ADGRL3: variants seen among roughly 807,000 people sequenced by gnomAD.
The protein encoded by ADGRL3 is adhesion G protein-coupled receptor L3.
A neutral mutation model predicts 153.5 loss-of-function variants in ADGRL3; 62 were observed. That is an observed-to-expected ratio of 0.40 (90% CI 0.33 to 0.50). The LOEUF (loss-of-function observed/expected upper bound fraction) is 0.50. Among genes scored for constraint, ADGRL3 ranks in the 20% least tolerant of loss-of-function variants. The pLI, the probability that ADGRL3 is intolerant of heterozygous loss-of-function variation, is 0.47. For missense variants in ADGRL3, 1,641 were observed against 1,859.4 expected (o/e 0.88, Z 2.16); for synonymous variants, 710 against 672.5 (o/e 1.06, Z -0.86).
chr4:61,701,573 T>C (rs2095760696), intron 6 of ADGRL3, among the ~76,000 whole-genome samples: 1 of 151,434 alleles, frequency 6.6e-6, no homozygotes, highest in African/African-American at 2.4e-5. Context: ...TAGCTGGGAC[T>C]AGATGCATGC....
chr4:61,369,119 G>A (rs1444616961), intron 1 of ADGRL3, among the ~76,000 whole-genome samples: 1 of 152,142 alleles, frequency 6.6e-6, no homozygotes, highest in Non-Finnish European at 1.5e-5. Context: ...TCAGCTTAAG[G>A]AGATTTTGGG....
At position 61,996,303 on chromosome 4, in the gene ADGRL3, A is replaced by T; in HGVS notation, c.3249A>T (p.Arg1083=). 1 of 1,613,026 alleles carries T rather than the reference A, an allele frequency of 6.2e-7. No individual in the cohort carries two copies. Among genetic ancestry groups the T allele is most frequent in the Non-Finnish European group, 8.5e-7 (1 of 1,179,152 alleles). The stretch of plus-strand genomic sequence containing the variant: ...TGTTTCATTGCAGATGTTGGCTCCG[A>T]CTTGACACCTACTTCATTTGGAGTT... The part of the protein sequence containing the change: ...SYGTDKVCWL[R]LDTYFIWSFI... Residue 1083 remains arginine, a synonymous_variant, in exon 20 of 27, where the codon CGA becomes CGT. Coordinates refer to ENST00000683033, the MANE Select transcript of ADGRL3 (RefSeq NM_001387552.1).
intron 17 of ADGRL3, among the ~76,000 whole-genome samples, chr4:61,956,555 T>A (rs960317006): frequency 1.3e-5 from 2 of 152,224 alleles, no homozygotes; most frequent in Non-Finnish European, 2.9e-5. Flanking sequence ...ATCTCATTTG[T>A]CAACTGTGGC....
intron 9 of ADGRL3, among the ~76,000 whole-genome samples, chr4:61,870,827 C>T (rs1332386524): frequency 6.6e-6 from 1 of 152,120 alleles, no homozygotes; most frequent in Non-Finnish European, 1.5e-5. Flanking sequence ...AATTGGAACA[C>T]TTACACACAG....
intron 21 of ADGRL3, among the ~76,000 whole-genome samples, chr4:62,004,590 A>T (rs376767827): frequency 6.6e-6 from 1 of 152,144 alleles, no homozygotes; most frequent in East Asian, 1.9e-4. Context: ...CATCAAAGCT[A>T]TTCAATTAAA....
At chr4:61,812,112 AG>A (rs1390188456) in intron 8 of ADGRL3, among the ~76,000 whole-genome samples, 1 of 152,186 alleles carries the variant, frequency 6.6e-6, no homozygotes, top group African/African-American at 2.4e-5. Context: ...ATAGGACAAG[AG>A]GTGATTTTAT....
At position 61,455,241 on chromosome 4, in the gene ADGRL3, G is replaced by A. The variant is rs116010351; in HGVS notation, c.-173-41880G>A. Among the ~76,000 whole-genome samples the A allele has an allele frequency of 2.8e-3, 429 of 152,286 alleles. 1 individual carries two copies. The highest frequency in any genetic ancestry group is 9.9e-3 in the African/African-American group (412 of 41,570). ...TGAGAGAAGATCATATGAAGGTTGA[G>A]GGAGTGGACAAATCAGTGGGAATAG... On this transcript the variant is annotated intron_variant, in intron 2 of 26. Transcript: ENST00000683033.
chr4:61,785,398 A>G (rs959787310), intron 8 of ADGRL3, among the ~76,000 whole-genome samples: 11 of 152,214 alleles, frequency 7.2e-5, no homozygotes, highest in African/African-American at 2.7e-4. Flanking sequence ...GCCTCTTCAC[A>G]TGATGCCTTT....
chr4:61,460,171 T>A (rs1405574781), intron 2 of ADGRL3, among the ~76,000 whole-genome samples: 1 of 152,144 alleles, frequency 6.6e-6, no homozygotes, highest in Non-Finnish European at 1.5e-5. Context: ...TCCTGAAGCA[T>A]TTCCCCTATG....
intron 21 of ADGRL3, among the ~76,000 whole-genome samples, chr4:62,026,998 T>C (rs1719026420): frequency 6.6e-6 from 1 of 152,080 alleles, no homozygotes; most frequent in African/African-American, 2.4e-5. Context: ...TTTGCATGGA[T>C]GCCTATGTGT....
intron 1 of ADGRL3, among the ~76,000 whole-genome samples, chr4:61,337,638 T>C (rs1413649819): frequency 6.6e-6 from 1 of 152,204 alleles, no homozygotes; most frequent in East Asian, 1.9e-4. Flanking sequence ...AAAATCAGTA[T>C]AAACTGACAT....
At chr4:61,467,866 TC>T (rs1271877779) in intron 2 of ADGRL3, among the ~76,000 whole-genome samples, 2 of 152,296 alleles carry the variant, frequency 1.3e-5, no homozygotes, top group Admixed American at 6.5e-5. Context: ...TTTTAAGAAT[TC>T]ACATCTTAAT....
At chr4:61,785,683 A>G (rs2097268209) in intron 8 of ADGRL3, among the ~76,000 whole-genome samples, 1 of 152,166 alleles carries the variant, frequency 6.6e-6, no homozygotes, top group African/African-American at 2.4e-5. Flanking sequence ...AACCAAATAA[A>G]AGCTCATCAA....
At chr4:61,717,147 G>A (rs7670950) in intron 6 of ADGRL3, among the ~76,000 whole-genome samples, 106,968 of 151,586 alleles carry the variant, frequency 0.71, 38,769 homozygotes, top group East Asian at 0.93. Context: ...CCAAATGTGT[G>A]TATCATTTTT....
At chr4:61,848,431 C>T (rs1257371100) in intron 9 of ADGRL3, among the ~76,000 whole-genome samples, 1 of 151,768 alleles carries the variant, frequency 6.6e-6, no homozygotes, top group African/African-American at 2.4e-5. Context: ...CTTCACAAGT[C>T]CCTCTTTCCT....
intron 2 of ADGRL3, among the ~76,000 whole-genome samples, chr4:61,394,022 A>G (rs1196708197): frequency 6.6e-6 from 1 of 152,006 alleles, no homozygotes; most frequent in Non-Finnish European, 1.5e-5. Context: ...TTCTTAACAA[A>G]ATTCTTTGTG....
intron 18 of ADGRL3, 80 bp from the exon 19 acceptor site, chr4:61,983,303 A>G: frequency 9.5e-7 from 1 of 1,057,592 alleles, no homozygotes. Context: ...GTTTTGGTAA[A>G]TATTTAATTT....
intron 2 of ADGRL3, among the ~76,000 whole-genome samples, chr4:61,404,164 A>G (rs1370119240): frequency 6.6e-6 from 1 of 152,108 alleles, no homozygotes; most frequent in African/African-American, 2.4e-5. Flanking sequence ...AGACAGGCAT[A>G]ACTAGAATAA....
intron 6 of ADGRL3, among the ~76,000 whole-genome samples, chr4:61,695,879 A>G (rs904474205): frequency 6.6e-6 from 1 of 152,038 alleles, no homozygotes; most frequent in Admixed American, 6.6e-5. Context: ...TTGTACTTTT[A>G]TGTTATGGAG....
Sources: gnomAD v4.1 joint callset for allele counts (sites outside exome capture counted in the v4.1 genomes callset) on GRCh38, gnomAD v4.1.1 for gene constraint, MANE v1.5 for transcripts, NCBI Gene and HGNC (gene_info 2026-07-23, HGNC 2026-07-21) for gene names.